Variants in LMF1 observed in about 807,000 individuals in gnomAD.
LMF1 encodes lipase maturation factor 1.
In LMF1, 68 loss-of-function variants were observed where a neutral mutation model predicts 60.6. That is an observed-to-expected ratio of 1.12 (90% CI 0.92 to 1.37). The LOEUF (loss-of-function observed/expected upper bound fraction) is 1.37, where lower values mean the gene tolerates loss of function less well. Ranked by LOEUF, LMF1 falls within the 40% of genes most tolerant of loss-of-function variation. The pLI, the probability that LMF1 is intolerant of heterozygous loss-of-function variation, is 0.00. For missense variants in LMF1, 948 were observed against 767.2 expected (o/e 1.24, Z -2.78); for synonymous variants, 418 against 324.7 (o/e 1.29, Z -3.09).
At chr16:942,905 A>C (rs1330492190) in intron 2 of LMF1, among the ~76,000 whole-genome samples, 1 of 152,194 alleles carries the variant, frequency 6.6e-6, no homozygotes, top group Non-Finnish European at 1.5e-5. Context: ...TGCTCGTTTC[A>C]ATCTTTTTTC....
At chr16:856,999 G>A (rs992704046) in intron 10 of LMF1, among the ~76,000 whole-genome samples, 1 of 152,244 alleles carries the variant, frequency 6.6e-6, no homozygotes, top group Non-Finnish European at 1.5e-5. Context: ...TTTCAAGAAC[G>A]TATGATTTCA....
intron 3 of LMF1, among the ~76,000 whole-genome samples, chr16:923,113 G>A (rs1345959393): frequency 6.6e-6 from 1 of 151,804 alleles, no homozygotes; most frequent in Non-Finnish European, 1.5e-5. Flanking sequence ...AGTCGCCTGG[G>A]TTTTCGGGTG....
chr16:904,362 G>A (rs546376075), intron 4 of LMF1, among the ~76,000 whole-genome samples: 14 of 100,308 alleles, frequency 1.4e-4, no homozygotes, highest in South Asian at 4.6e-4. Context: ...CCCACAGGAC[G>A]CCTGTCTCTG....
In LMF1 at chr16:942,438, T is replaced by C. The variant is rs148917930; in HGVS notation, c.504-8184A>G. ...GATTTACACATTTATATCATTCAGC[T>C]ATTATTTCTTTAAATACTTTTTATG... On this transcript the variant is annotated intron_variant, in intron 2 of 10. Transcript: ENST00000262301. Among the ~76,000 whole-genome samples the C allele has an allele frequency of 2.6e-4, 40 of 152,392 alleles. 1 individual carries two copies. Among genetic ancestry groups the C allele is most frequent in the African/African-American group, 9.4e-4 (39 of 41,594 alleles).
At chr16:965,079 G>A (rs947827202) in intron 1 of LMF1, among the ~76,000 whole-genome samples, 22 of 152,208 alleles carry the variant, frequency 1.4e-4, no homozygotes, top group Admixed American at 8.5e-4. Flanking sequence ...CTGGAAAGAC[G>A]AGCAAGAAAA....
chr16:973,753 C>T (rs2073087335), upstream of LMF1, among the ~76,000 whole-genome samples: 2 of 152,316 alleles, frequency 1.3e-5, no homozygotes, highest in Admixed American at 6.5e-5. Flanking sequence ...GTAATCCCAG[C>T]ACTTTGGGAG....
intron 5 of LMF1, chr16:883,883 TGTTA>T (rs1402804677): frequency 2.0e-5 from 3 of 152,214 alleles, no homozygotes; most frequent in Non-Finnish European, 4.4e-5. Context: ...TGCCTATAAA[TGTTA>T]ATTAGATCAT....
At position 970,899 on chromosome 16, in the gene LMF1, CA is replaced by C; in HGVS notation, c.81del (p.Glu28SerfsTer24). The C allele has an allele frequency of 1.3e-6, 2 of 1,580,664 alleles. No individual in the cohort carries two copies. The highest frequency in any genetic ancestry group is 1.7e-6 in the Non-Finnish European group (2 of 1,165,284). On this transcript the variant is annotated frameshift_variant, in exon 1 of 11. Coordinates refer to ENST00000262301, the MANE Select transcript of LMF1 (RefSeq NM_022773.4). LOFTEE classifies it high-confidence loss of function. ...RRKTGYSDPE[P>X]ESPPAPGRGP... ...CCACGCCCCGGCGCGGGCGGCGACT[CA>C]GGCTCCGGATCCGAGTACCCAGTCT...
intron 3 of LMF1, among the ~76,000 whole-genome samples, chr16:922,260 G>A (rs1003275038): frequency 2.0e-5 from 3 of 152,176 alleles, no homozygotes; most frequent in East Asian, 1.9e-4. Flanking sequence ...GCACAATCTC[G>A]CCTCCGATGC....
chr16:978,894 C>T (rs2073254480), intron 1 of LMF1: 1 of 438,288 alleles, frequency 2.3e-6, no homozygotes, highest in Non-Finnish European at 4.6e-6. Flanking sequence ...CTCTAGCTTC[C>T]CCAGGGAACA....
intron 1 of LMF1, chr16:976,066 G>C: frequency 2.2e-6 from 1 of 454,086 alleles, no homozygotes; most frequent in South Asian, 1.6e-5. Context: ...CACAGGTCTT[G>C]GCAGCCTGAG....
intron 5 of LMF1, chr16:886,964 A>C (rs2070326451): frequency 6.6e-6 from 1 of 151,288 alleles, no homozygotes; most frequent in African/African-American, 2.4e-5. Flanking sequence ...AAAACCAATA[A>C]AACAGCCAGG....
At chr16:934,878 G>A (rs994512709) in intron 2 of LMF1, among the ~76,000 whole-genome samples, 1 of 152,128 alleles carries the variant, frequency 6.6e-6, no homozygotes, top group Non-Finnish European at 1.5e-5. Flanking sequence ...CCACCTCACA[G>A]CAAGACCTAC....
chr16:970,755 C>G (rs1161390074), intron 1 of LMF1, 33 bp downstream of exon 1: 8 of 1,500,358 alleles, frequency 5.3e-6, no homozygotes, highest in Middle Eastern at 1.7e-4. Flanking sequence ...GGAGGTGACA[C>G]TGGCGGATGT....
rs1205889042 is a variant in LMF1, at chr16:874,370, C to T, written c.898-3029G>A. ...TGGGCAGGGCGGGGTGGGGTGGGGC[C>T]GGACAGCCCGCTGTGGGCAGGCGCC... On this transcript the variant is annotated intron_variant, in intron 6 of 10. Coordinates refer to ENST00000262301, the MANE Select transcript of LMF1 (RefSeq NM_022773.4). This position sits in a 1 kb window ranked among gnomAD's most constrained non-coding sequence, Gnocchi z 4.1. Among the ~76,000 whole-genome samples the T allele has an allele frequency of 3.9e-5, 6 of 152,090 alleles. No individual in the cohort carries two copies. Among genetic ancestry groups the T allele is most frequent in the East Asian group, 1.9e-4 (1 of 5,188 alleles).
At chr16:929,592 G>A (rs1011414117) in intron 3 of LMF1, among the ~76,000 whole-genome samples, 1 of 152,242 alleles carries the variant, frequency 6.6e-6, no homozygotes, top group African/African-American at 2.4e-5. Context: ...CAGGCTCACT[G>A]AATATCAAAA....
At chr16:911,295 G>A (rs2071105936) in intron 3 of LMF1, among the ~76,000 whole-genome samples, 1 of 152,118 alleles carries the variant, frequency 6.6e-6, no homozygotes, top group Non-Finnish European at 1.5e-5. Context: ...GCCTAGGTCG[G>A]GACTTCCTGT....
In LMF1 at chr16:934,246, A is replaced by T; in HGVS notation, c.512T>A (p.Phe171Tyr). 6.3e-7 allele frequency: 1 copy of T among 1,599,380 alleles called. No individual in the cohort carries two copies. Among genetic ancestry groups the T allele is most frequent in the Non-Finnish European group, 8.5e-7 (1 of 1,179,748 alleles). The change falls in exon 3 of 11, where the codon TTC becomes TAC. Residue 171 changes from phenylalanine to tyrosine, a missense_variant and splice_region_variant. Transcript: ENST00000262301. ...LVNVGHVWYS[F>Y]GWESQLLETG... ...TTCTCTAAATGCATCTCACTTACCGAAAGAGTACCTGAAAAACAAAAGAAG... is the reference window on the plus strand; with the variant it reads ...TTCTCTAAATGCATCTCACTTACCGTAAGAGTACCTGAAAAACAAAAGAAG...
chr16:862,092 C>T (rs894978890), intron 10 of LMF1, among the ~76,000 whole-genome samples: 2 of 150,160 alleles, frequency 1.3e-5, no homozygotes, highest in Admixed American at 6.6e-5. Flanking sequence ...TTCTCAAATA[C>T]GGAACCAACC....
Sources: gnomAD v4.1 joint callset for allele counts (sites outside exome capture counted in the v4.1 genomes callset) on GRCh38, gnomAD v4.1.1 for gene constraint, Gnocchi (gnomAD v3.1) non-coding constraint, MANE v1.5 for transcripts, NCBI Gene and HGNC (gene_info 2026-07-23, HGNC 2026-07-21) for gene names.